The following NDUFC1 variants were observed in gnomAD, a reference collection of about 807,000 sequenced individuals.
NDUFC1 encodes the protein NADH dehydrogenase [ubiquinone] 1 subunit C1, mitochondrial.
NDUFC1 carries 11 observed loss-of-function variants against 11.6 expected under a neutral mutation model. That is an observed-to-expected ratio of 0.95 (90% CI 0.60 to 1.58). The LOEUF is 1.58. NDUFC1 is among the 40% of genes most tolerant of loss of function. The pLI, the probability that NDUFC1 is intolerant of heterozygous loss-of-function variation, is 0.00. For synonymous variants in NDUFC1, 52 were observed against 42.2 expected, an observed-to-expected ratio of 1.23 and a Z score of -0.90; for missense variants, 112 against 93.0, an observed-to-expected ratio of 1.20 and a Z score of -0.84.
At chr4:139,295,278 A>G in intron 3 of NDUFC1, 132 bp from the exon 4 acceptor site, 2 of 713,076 alleles carry the variant, frequency 2.8e-6, no homozygotes, top group Non-Finnish European at 4.9e-6. Context: ...CAGCCAAGGA[A>G]ATAGAGGTTC....
In NDUFC1 at chr4:139,290,578, T is replaced by C. The variant is rs1036237439; in HGVS notation, c.*21-486A>G. On this transcript the variant is annotated intron_variant, in intron 5 of 5. Coordinates refer to ENST00000394223, the MANE Select transcript of NDUFC1 (RefSeq NM_001184989.2). The stretch of plus-strand genomic sequence containing the variant: ...TATAAAATATGGAAAAAAAGGATAG[T>C]CTGTGATCGCTATGTTTATTATACA... Among the ~76,000 whole-genome samples, 16 of 152,110 alleles carry C rather than the reference T, an allele frequency of 1.1e-4. 1 individual carries two copies. Among genetic ancestry groups the C allele is most frequent in the Admixed American group, 7.9e-4 (12 of 15,254 alleles).
chr4:139,292,688 A>G, intron 4 of NDUFC1, 79 bp from the exon 5 acceptor site: 1 of 902,358 alleles, frequency 1.1e-6, no homozygotes, highest in African/African-American at 1.7e-5. Flanking sequence ...AAGGATAGAA[A>G]AAATAAACAA....
At chr4:139,290,694 A>C (rs1745174666) in intron 5 of NDUFC1, among the ~76,000 whole-genome samples, 1 of 151,634 alleles carries the variant, frequency 6.6e-6, no homozygotes, top group African/African-American at 2.4e-5. Flanking sequence ...AGGATTTTTA[A>C]AAAAGGTTTT....
Position 139,295,100 on chromosome 4 carries a change from T to C in NDUFC1, c.114A>G (p.Lys38=). ...TGAACCCAACTTTCAGCCAGTCAGGTTTGGCATTCGGCGGCTCTCGCACGT... is the reference window on the plus strand; with the variant it reads ...TGAACCCAACTTTCAGCCAGTCAGGCTTGGCATTCGGCGGCTCTCGCACGT... The part of the protein sequence containing the change: ...KFYVREPPNA[K]PDWLKVGFTL... Residue 38 remains lysine, a synonymous_variant, in exon 4 of 6, where the codon AAA becomes AAG. Coordinates refer to ENST00000394223, the MANE Select transcript of NDUFC1 (RefSeq NM_001184989.2). The C allele has an allele frequency of 6.2e-7, 1 of 1,614,120 alleles. No homozygotes were observed. The highest frequency in any genetic ancestry group is 8.5e-7 in the Non-Finnish European group (1 of 1,180,004).
At chr4:139,295,704 A>C in intron 3 of NDUFC1, 28 bp downstream of exon 3, 5 of 1,532,516 alleles carry the variant, frequency 3.3e-6, no homozygotes, top group African/African-American at 1.4e-5. Flanking sequence ...CTGAGGGTCG[A>C]GTCGGCCTGC....
At chr4:139,300,465 C>CA (rs1241412971) in intron 1 of NDUFC1, 1 of 152,136 alleles carries the variant, frequency 6.6e-6, no homozygotes. Flanking sequence ...AAGAATGCTA[C>CA]AGAGTGAAAT....
At chr4:139,301,649 C>T (rs1375997108) in intron 1 of NDUFC1, 7 of 1,103,992 alleles carry the variant, frequency 6.3e-6, no homozygotes, top group Non-Finnish European at 9.1e-6. Flanking sequence ...CGGCGACACC[C>T]GAGGCCTGGT....
chr4:139,294,923 T>C, intron 4 of NDUFC1, 120 bp downstream of exon 4: 3 of 670,658 alleles, frequency 4.5e-6, no homozygotes, highest in South Asian at 3.6e-5. Flanking sequence ...ATAAATATCC[T>C]ACTGTTATGA....
chr4:139,291,288 T>C (rs897175006), intron 5 of NDUFC1, among the ~76,000 whole-genome samples: 9 of 151,644 alleles, frequency 5.9e-5, no homozygotes, highest in African/African-American at 1.9e-4. Flanking sequence ...TAAAAATTGA[T>C]TGCTCTGGCC....
chr4:139,293,264 C>T lies in NDUFC1; in HGVS notation c.172-655G>A, dbSNP rs117018917. ...TGGGATCCAGGCTGGTTGGTGGGTGCGTGTTATGCTTCTAATCTTAGAAGT... is the reference window on the plus strand; with the variant it reads ...TGGGATCCAGGCTGGTTGGTGGGTGTGTGTTATGCTTCTAATCTTAGAAGT... On this transcript the variant is annotated intron_variant, in intron 4 of 5. Transcript: ENST00000394223. Among the ~76,000 whole-genome samples the T allele has an allele frequency of 1.6e-3, 241 of 152,164 alleles. No individual in the cohort carries two copies. The East Asian group carries it at 0.02, about 12-fold the overall frequency.
intron 5 of NDUFC1, among the ~76,000 whole-genome samples, chr4:139,291,972 G>T (rs1387119178): frequency 2.0e-5 from 3 of 151,772 alleles, no homozygotes; most frequent in East Asian, 3.9e-4. Context: ...GAGTAGCTGA[G>T]ACTACAGGCG....
chr4:139,296,025 T>G, intron 2 of NDUFC1, 65 bp from the exon 3 acceptor site: 1 of 511,234 alleles, frequency 2.0e-6, no homozygotes, highest in Middle Eastern at 4.8e-4. Flanking sequence ...CTCTGTCCTC[T>G]GGGGGTTTTT....
At chr4:139,290,669 T>C (rs1745173550) in intron 5 of NDUFC1, among the ~76,000 whole-genome samples, 1 of 151,962 alleles carries the variant, frequency 6.6e-6, no homozygotes, top group Non-Finnish European at 1.5e-5. Context: ...TGTTCACTTA[T>C]AAAAGGATTA....
At chr4:139,299,172 G>T (rs1270480941) in intron 1 of NDUFC1, among the ~76,000 whole-genome samples, 1 of 151,516 alleles carries the variant, frequency 6.6e-6, no homozygotes, top group Non-Finnish European at 1.5e-5. Context: ...GTTTCACCAT[G>T]TTGGTCAGGC....
At chr4:139,301,866 A>G in intron 1 of NDUFC1, 1 of 1,566,880 alleles carries the variant, frequency 6.4e-7, no homozygotes, top group South Asian at 1.2e-5. Context: ...GGTGGGGAGG[A>G]TTTAGCCGGT....
intron 1 of NDUFC1, among the ~76,000 whole-genome samples, chr4:139,299,804 C>CAG (rs1216943581): frequency 1.3e-5 from 2 of 152,182 alleles, no homozygotes; most frequent in African/African-American, 4.8e-5. Flanking sequence ...CTCATCTAAT[C>CAG]AGGTACTCAG....
chr4:139,291,467 C>G (rs1341651872), intron 5 of NDUFC1, among the ~76,000 whole-genome samples: 3 of 151,912 alleles, frequency 2.0e-5, no homozygotes, highest in African/African-American at 7.3e-5. Flanking sequence ...CCCAGCTACT[C>G]GAGAGGCTGA....
chr4:139,294,522 G>A (rs1745371362), intron 4 of NDUFC1, among the ~76,000 whole-genome samples: 2 of 151,006 alleles, frequency 1.3e-5, no homozygotes, highest in Non-Finnish European at 3.0e-5. Flanking sequence ...GGATCAATAG[G>A]TCAGGAGATC....
chr4:139,291,992 A>G (rs1745240898), intron 5 of NDUFC1, among the ~76,000 whole-genome samples: 1 of 151,982 alleles, frequency 6.6e-6, no homozygotes, highest in Admixed American at 6.6e-5. Flanking sequence ...GCCCGCCACA[A>G]CACCTGGCTA....
Sources: allele counts gnomAD v4.1 joint callset (sites outside exome capture counted in the v4.1 genomes callset), GRCh38; gene constraint gnomAD v4.1.1; transcripts MANE v1.5; gene names NCBI Gene and HGNC (gene_info 2026-07-23, HGNC 2026-07-21).